FRMPD1: variants seen among roughly 807,000 people sequenced by gnomAD.
FRMPD1 encodes FERM and PDZ domain containing 1.
FRMPD1 carries 76 observed loss-of-function variants against 117.8 expected under a neutral mutation model. The ratio of observed to expected loss-of-function variants is 0.65; its 90% CI spans 0.54 to 0.78. FRMPD1 has a LOEUF of 0.78. Among genes scored for constraint, FRMPD1 ranks in the 30% least tolerant of loss-of-function variants. FRMPD1 has a pLI of 0.00. For missense variants in FRMPD1, 1,786 were observed against 1,964.5 expected, an observed-to-expected ratio of 0.91 and a Z score of 1.72; for synonymous variants, 783 against 770.4, an observed-to-expected ratio of 1.02 and a Z score of -0.27.
chr9:37,681,364 AG>A (rs1471964903), intron 1 of FRMPD1, among the ~76,000 whole-genome samples: 1 of 152,194 alleles, frequency 6.6e-6, no homozygotes, highest in Non-Finnish European at 1.5e-5. Context: ...ATCCCTGAGT[AG>A]GGAAGAGAGG....
rs1824584761 is a variant in FRMPD1, at chr9:37,744,528, C to T, written c.2496C>T (p.Ala832=). Residue 832 remains alanine (A), a synonymous_variant, in exon 16 of 16, where the codon GCC becomes GCT. Transcript: ENST00000377765. Reference sequence around the variant, plus strand: ...GGAGGGGAGGGGTGAAGAAATATGCCAAGACCCTGAGGAAAAGAAGGTCTT... The same window carrying T: ...GGAGGGGAGGGGTGAAGAAATATGCTAAGACCCTGAGGAAAAGAAGGTCTT... ...PSRRGGVKKY[A]KTLRKRRSFL... 6.8e-6 allele frequency: 11 copies of T among 1,613,962 alleles called. No homozygotes were observed. The highest frequency in any genetic ancestry group is 1.3e-5 in the African/African-American group (1 of 74,886).
chr9:37,737,213 C>T lies in FRMPD1; in HGVS notation c.1519C>T (p.Gln507Ter). 1 of 1,612,784 alleles carries T rather than the reference C, an allele frequency of 6.2e-7. No homozygotes were observed. Among genetic ancestry groups the T allele is most frequent in the Non-Finnish European group, 8.5e-7 (1 of 1,179,326 alleles). The change falls in exon 14 of 16, where the codon CAA (glutamine) becomes TAA (stop). Residue 507 changes from glutamine to a stop codon, truncating the protein, a stop_gained. Coordinates refer to ENST00000377765, the MANE Select transcript of FRMPD1 (RefSeq NM_014907.3). LOFTEE classifies it high-confidence loss of function. ...TSIFLWPGNK[Q>*]QAHRVSAEEG... ...CATTTTCCTCTGGCCTGGAAACAAACAACAAGCGCACCGGGTATCTGCAGA... is the reference window on the plus strand; with the variant it reads ...CATTTTCCTCTGGCCTGGAAACAAATAACAAGCGCACCGGGTATCTGCAGA...
At chr9:37,606,426 A>C in the FRMPD1 span, among the ~76,000 whole-genome samples, 3 of 152,196 alleles carry the variant, frequency 2.0e-5, no homozygotes, top group Non-Finnish European at 4.4e-5. Context: ...TTTCACTCTC[A>C]GAAGTATTCT....
chr9:37,685,439 C>A (rs376449482), intron 1 of FRMPD1, among the ~76,000 whole-genome samples: 2 of 151,518 alleles, frequency 1.3e-5, no homozygotes, highest in East Asian at 1.9e-4. Context: ...GTCAGGAGAT[C>A]GAGACTATCC....
At chr9:37,634,654 A>G in the FRMPD1 span, among the ~76,000 whole-genome samples, 1 of 142,906 alleles carries the variant, frequency 7.0e-6, no homozygotes, top group African/African-American at 2.5e-5. Flanking sequence ...TCTGAAACCC[A>G]TATCTTTTTT....
intron 10 of FRMPD1, among the ~76,000 whole-genome samples, chr9:37,733,234 A>G (rs1823970549): frequency 6.6e-6 from 1 of 152,166 alleles, no homozygotes; most frequent in Non-Finnish European, 1.5e-5. Flanking sequence ...TGGTCACACC[A>G]CACCAAGAGT....
intron 12 of FRMPD1, among the ~76,000 whole-genome samples, chr9:37,734,498 A>G (rs1264367274): frequency 6.6e-6 from 1 of 151,062 alleles, no homozygotes; most frequent in Non-Finnish European, 1.5e-5. Flanking sequence ...GCCTTTCAGC[A>G]GTCAGTGTCT....
intron 1 of FRMPD1, among the ~76,000 whole-genome samples, chr9:37,680,355 T>A (rs1362139373): frequency 6.6e-6 from 1 of 152,248 alleles, no homozygotes; most frequent in Non-Finnish European, 1.5e-5. Context: ...TGAGTGCTTT[T>A]CGTTTAAATT....
chr9:37,665,393 C>T (rs1158642555), intron 1 of FRMPD1, among the ~76,000 whole-genome samples: 2 of 152,144 alleles, frequency 1.3e-5, no homozygotes, highest in South Asian at 2.1e-4. Flanking sequence ...GTTGTTTGAG[C>T]GTCACTAGGT....
At chr9:37,655,240 A>G (rs528857913) in intron 1 of FRMPD1, among the ~76,000 whole-genome samples, 5 of 152,278 alleles carry the variant, frequency 3.3e-5, no homozygotes, top group South Asian at 2.1e-4. Flanking sequence ...CTGTAAAGTA[A>G]CAGTGACCAA....
the FRMPD1 span, among the ~76,000 whole-genome samples, chr9:37,609,002 C>A: frequency 2.0e-5 from 3 of 152,156 alleles, no homozygotes; most frequent in African/African-American, 2.4e-5. Context: ...GTTTAATAGG[C>A]ATCTCAGGCC....
intron 4 of FRMPD1, among the ~76,000 whole-genome samples, chr9:37,710,558 C>T (rs189110780): frequency 6.6e-6 from 1 of 152,256 alleles, no homozygotes; most frequent in Admixed American, 6.5e-5. Context: ...AACTCTTTGG[C>T]TTTTATCTGA....
chr9:37,623,001 A>C, the FRMPD1 span, among the ~76,000 whole-genome samples: 1 of 152,214 alleles, frequency 6.6e-6, no homozygotes, highest in African/African-American at 2.4e-5. Flanking sequence ...CATATGATAA[A>C]ATAATATATA....
At chr9:37,635,618 G>A in the FRMPD1 span, among the ~76,000 whole-genome samples, 1 of 152,200 alleles carries the variant, frequency 6.6e-6, no homozygotes, top group South Asian at 2.1e-4. Context: ...AATACAAGCT[G>A]GAGGGCAGGG....
chr9:37,684,874 T>C (rs56242816), intron 1 of FRMPD1, among the ~76,000 whole-genome samples: 23,146 of 152,044 alleles, frequency 0.15, 1,785 homozygotes, highest in Middle Eastern at 0.19. Flanking sequence ...CTACCTTAGC[T>C]TCCCGATTAG....
At position 37,655,181 on chromosome 9, in the gene FRMPD1, TG is replaced by T. The variant is rs1020354014; in HGVS notation, c.-5+4088del. ...GGCTAATTGTCTGTGCCTTCTCCCTTGTTCCCTCCTTACTGAAATCTACTCA... is the reference window on the plus strand; with the variant it reads ...GGCTAATTGTCTGTGCCTTCTCCCTTTTCCCTCCTTACTGAAATCTACTCA... On this transcript the variant is annotated intron_variant, in intron 1 of 15. Coordinates refer to ENST00000377765, the MANE Select transcript of FRMPD1 (RefSeq NM_014907.3). 5.9e-4 allele frequency among the ~76,000 whole-genome samples: 90 copies of T among 152,320 alleles called. 1 individual carries two copies. The highest frequency in any genetic ancestry group is 1.8e-4 in the Non-Finnish European group (12 of 68,016).
chr9:37,740,271 G>T lies in FRMPD1; in HGVS notation c.1743G>T (p.Thr581=), dbSNP rs369271811. The change falls in exon 15 of 16, where the codon ACG becomes ACT. Residue 581 remains threonine (T), a synonymous_variant. Coordinates refer to ENST00000377765, the MANE Select transcript of FRMPD1 (RefSeq NM_014907.3). The surrounding 1 kb of genome is among the most constrained non-coding windows in gnomAD (Gnocchi z 4.2). Reference sequence around the variant, plus strand: ...CCAGCACCTGCGGGGCCAGCAGCACGACAGACAGTGCCGAGTCCGAGGCGT... The same window carrying T: ...CCAGCACCTGCGGGGCCAGCAGCACTACAGACAGTGCCGAGTCCGAGGCGT... ...RGPSTCGASS[T]TDSAESEASD... is the part of the protein sequence containing the mutation. 5.6e-6 allele frequency: 9 copies of T among 1,613,832 alleles called. No individual in the cohort carries two copies. The highest frequency in any genetic ancestry group is 7.6e-6 in the Non-Finnish European group (9 of 1,179,986).
intron 12 of FRMPD1, among the ~76,000 whole-genome samples, chr9:37,734,224 C>A (rs919668103): frequency 2.6e-5 from 4 of 152,064 alleles, no homozygotes; most frequent in Non-Finnish European, 4.4e-5. Context: ...TTTGGCCAGA[C>A]TTCAGTAGAG....
the FRMPD1 span, among the ~76,000 whole-genome samples, chr9:37,618,319 G>A: frequency 6.6e-6 from 1 of 152,156 alleles, no homozygotes; most frequent in African/African-American, 2.4e-5. Context: ...AACAGTGCTG[G>A]CTGTTACAGG....
Sources: gnomAD v4.1 joint callset for allele counts (sites outside exome capture counted in the v4.1 genomes callset) on GRCh38, gnomAD v4.1.1 for gene constraint, Gnocchi (gnomAD v3.1) non-coding constraint, MANE v1.5 for transcripts, NCBI Gene and HGNC (gene_info 2026-07-23, HGNC 2026-07-21) for gene names.